Variants in FXR1 observed in about 807,000 individuals in gnomAD.
FXR1 encodes FMR1 autosomal homolog 1, also known as RNA-binding protein FXR1.
In FXR1, 15 loss-of-function variants were observed where a neutral mutation model predicts 84.0. The observed-to-expected ratio is 0.18, with a 90% CI of 0.12 to 0.27. The LOEUF (loss-of-function observed/expected upper bound fraction) is 0.27, where lower values mean the gene tolerates loss of function less well. Among genes scored for constraint, FXR1 ranks in the 10% least tolerant of loss-of-function variants. The probability of loss-of-function intolerance (pLI) is 1.00; values close to 1 mark genes in which losing one functional copy is unlikely to be tolerated. For missense variants in FXR1, 480 were observed against 774.4 expected, an observed-to-expected ratio of 0.62 and a Z score of 4.51; for synonymous variants, 245 against 250.7, an observed-to-expected ratio of 0.98 and a Z score of 0.21.
chr3:180,933,689 G>C (rs111391111), intron 2 of FXR1, among the ~76,000 whole-genome samples: 165 of 152,276 alleles, frequency 1.1e-3, no homozygotes, highest in African/African-American at 3.8e-3. Flanking sequence ...TTTCAAATGA[G>C]GTTGTAGAAG....
intron 1 of FXR1, chr3:180,915,581 A>C (rs1717792709): frequency 1.1e-6 from 1 of 952,158 alleles, no homozygotes; most frequent in African/African-American, 1.6e-5. Flanking sequence ...GAGAGCTGTT[A>C]ACATTTTAGT....
chr3:180,954,382 C>A (rs1722532386), intron 9 of FXR1, among the ~76,000 whole-genome samples: 1 of 152,098 alleles, frequency 6.6e-6, no homozygotes, highest in South Asian at 2.1e-4. Context: ...GGGGAGGTTT[C>A]ACTGTTTATT....
Position 180,923,513 on chromosome 3 carries a change from T to C in FXR1, c.52-9821T>C, listed in dbSNP as rs534861930. ...GTAGTGCCTTCATTTAGTGAGGCTT[T>C]TTTTTTTCCTTGCCCTGATAAGGAG... On this transcript the variant is annotated intron_variant, in intron 1 of 16. Transcript: ENST00000357559. Among the ~76,000 whole-genome samples the C allele has an allele frequency of 6.6e-5, 10 of 152,294 alleles. No homozygotes were observed. The East Asian group carries it at 1.9e-3, about 29-fold the overall frequency.
chr3:180,931,287 C>T (rs1379716744), intron 1 of FXR1, among the ~76,000 whole-genome samples: 4 of 151,402 alleles, frequency 2.6e-5, no homozygotes, highest in Admixed American at 6.6e-5. Context: ...GGTGTAGCCT[C>T]GGCTCACTGC....
At chr3:180,913,082 A>G (rs1363069886) in intron 1 of FXR1, among the ~76,000 whole-genome samples, 2 of 151,196 alleles carry the variant, frequency 1.3e-5, no homozygotes, top group African/African-American at 2.4e-5. Flanking sequence ...GAGGTGGGGG[A>G]GTCGTGAAAG....
intron 8 of FXR1, among the ~76,000 whole-genome samples, chr3:180,952,828 CTTTTTTTTTT>C (rs371547296): frequency 8.2e-6 from 1 of 121,502 alleles, no homozygotes; most frequent in East Asian, 2.4e-4. Context: ...ATTTTATTTG[CTTTTTTTTTT>C]TTTTTTTTTT....
intron 9 of FXR1, among the ~76,000 whole-genome samples, chr3:180,955,455 A>T (rs1722657390): frequency 6.6e-6 from 1 of 152,210 alleles, no homozygotes; most frequent in Non-Finnish European, 1.5e-5. Flanking sequence ...AACTTGAAGA[A>T]TTTTGTATAA....
chr3:180,915,530 T>C (rs1390592368), intron 1 of FXR1: 1 of 1,464,148 alleles, frequency 6.8e-7, no homozygotes, highest in South Asian at 1.2e-5. Flanking sequence ...GTCACTGAGG[T>C]AATTTTGGAA....
rs1714625899 is a variant in FXR1 at position 180,981,859 on chromosome 3, T to C, written c.*5567T>C. Reference sequence around the variant, plus strand: ...AGGCTCAGATTTACCTGGCTTCTGTTTACCTGGCTTCTGCAGAAGTTTAAC... The same window carrying C: ...AGGCTCAGATTTACCTGGCTTCTGTCTACCTGGCTTCTGCAGAAGTTTAAC... On this transcript the variant is annotated 3_prime_UTR_variant, in exon 17 of 17. Coordinates refer to ENST00000357559, the MANE Select transcript of FXR1 (RefSeq NM_005087.4). 3.3e-5 allele frequency: 5 copies of C among 152,006 alleles called. No individual in the cohort carries two copies. 9.4% of individuals were successfully genotyped at this position (152,006 alleles called of 1,614,324 possible).
intron 1 of FXR1, among the ~76,000 whole-genome samples, chr3:180,931,697 A>T (rs1354952894): frequency 1.3e-5 from 2 of 151,092 alleles, no homozygotes; most frequent in Non-Finnish European, 2.9e-5. Flanking sequence ...GCTTAGAAAA[A>T]TGTCTAACAC....
At chr3:180,949,673 C>T (rs1034157056) in intron 7 of FXR1, among the ~76,000 whole-genome samples, 7 of 152,206 alleles carry the variant, frequency 4.6e-5, no homozygotes, top group Non-Finnish European at 1.0e-4. Flanking sequence ...CATGAGCCAC[C>T]GAACCTGGCC....
At chr3:180,938,417 A>ATAG (rs1720762933) in intron 3 of FXR1, among the ~76,000 whole-genome samples, 1 of 152,200 alleles carries the variant, frequency 6.6e-6, no homozygotes, top group African/African-American at 2.4e-5. Context: ...TCCTTAATGA[A>ATAG]TAGTAGTATG....
At chr3:180,971,207 G>T in intron 15 of FXR1, 10 of 570,696 alleles carry the variant, frequency 1.8e-5, no homozygotes, top group Non-Finnish European at 2.5e-5. Context: ...TGAAAAAAAT[G>T]TCTATGTCTG....
intron 1 of FXR1, among the ~76,000 whole-genome samples, chr3:180,922,658 G>A (rs989069612): frequency 6.6e-6 from 1 of 152,104 alleles, no homozygotes; most frequent in Admixed American, 6.5e-5. Context: ...TGTCACCCAG[G>A]TTGCAGTGCA....
At chr3:180,927,016 A>G (rs1719313464) in intron 1 of FXR1, among the ~76,000 whole-genome samples, 1 of 152,000 alleles carries the variant, frequency 6.6e-6, no homozygotes. Flanking sequence ...AAACATTAAA[A>G]TTTTCTTTCA....
intron 1 of FXR1, among the ~76,000 whole-genome samples, chr3:180,916,246 CCA>C (rs1323724882): frequency 6.6e-6 from 1 of 152,160 alleles, no homozygotes; most frequent in African/African-American, 2.4e-5. Flanking sequence ...GTAACCACCG[CCA>C]CAGTCTTCCT....
intron 14 of FXR1, 27 bp downstream of exon 14, chr3:180,968,281 TC>T: frequency 1.4e-6 from 2 of 1,443,792 alleles, no homozygotes; most frequent in Non-Finnish European, 2.0e-6. Context: ...TCTGTCAGCA[TC>T]CATTATTTGT....
At chr3:180,929,550 G>A (rs1487768798) in intron 1 of FXR1, among the ~76,000 whole-genome samples, 2 of 152,166 alleles carry the variant, frequency 1.3e-5, no homozygotes, top group Non-Finnish European at 2.9e-5. Flanking sequence ...AGCCAGGTGG[G>A]TGTGAATAGG....
At chr3:180,958,123 G>C (rs1258327874) in intron 10 of FXR1, among the ~76,000 whole-genome samples, 195 bp downstream of exon 10, 4 of 152,008 alleles carry the variant, frequency 2.6e-5, no homozygotes, top group African/African-American at 9.7e-5. Flanking sequence ...TAGTTGTTTT[G>C]ATAGTACTTC....
Sources: allele counts gnomAD v4.1 joint callset (sites outside exome capture counted in the v4.1 genomes callset), GRCh38; gene constraint gnomAD v4.1.1; transcripts MANE v1.5; gene names NCBI Gene and HGNC (gene_info 2026-07-23, HGNC 2026-07-21).